The following SP4 variants were observed in gnomAD, a reference collection of about 807,000 sequenced individuals.
The protein encoded by SP4 is Sp4 transcription factor.
SP4 carries 19 observed loss-of-function variants against 72.8 expected under a neutral mutation model. That is an observed-to-expected ratio of 0.26 (90% CI 0.18 to 0.38). SP4 has a LOEUF of 0.38. Ranked by LOEUF, SP4 falls within the 10% of genes least tolerant of loss-of-function variation. The probability of loss-of-function intolerance (pLI) is 1.00; values close to 1 mark genes in which losing one functional copy is unlikely to be tolerated. For missense variants in SP4, 1,008 were observed against 926.3 expected (o/e 1.09, Z -1.14); for synonymous variants, 395 against 333.1 (o/e 1.19, Z -2.02).
At chr7:21,437,901 G>A (rs1234994261) in intron 3 of SP4, among the ~76,000 whole-genome samples, 2 of 152,060 alleles carry the variant, frequency 1.3e-5, no homozygotes, top group African/African-American at 4.8e-5. Context: ...TTCCCAGAAT[G>A]AAGAATGTGG....
At chr7:21,469,504 T>C (rs919300452) in intron 3 of SP4, among the ~76,000 whole-genome samples, 2 of 151,936 alleles carry the variant, frequency 1.3e-5, no homozygotes, top group African/African-American at 4.8e-5. Flanking sequence ...AAGGGAGAAA[T>C]CTTAGCCTAT....
chr7:21,486,271 C>T (rs1275027227), intron 5 of SP4, among the ~76,000 whole-genome samples: 3 of 151,940 alleles, frequency 2.0e-5, no homozygotes, highest in East Asian at 3.9e-4. Flanking sequence ...GCAAAGCTAG[C>T]ATAGAGTTCG....
At chr7:21,472,774 T>TA (rs138593123) in intron 3 of SP4, among the ~76,000 whole-genome samples, 22 of 144,848 alleles carry the variant, frequency 1.5e-4, no homozygotes, top group African/African-American at 2.8e-4. Context: ...CCCCATCTCT[T>TA]AAAAAAAAAG....
intron 5 of SP4, among the ~76,000 whole-genome samples, chr7:21,483,884 A>G (rs767006581): frequency 6.6e-6 from 1 of 151,800 alleles, no homozygotes; most frequent in South Asian, 2.1e-4. Flanking sequence ...ATTAATTTCA[A>G]TAAATTATTG....
At chr7:21,497,994 C>CTT (rs1781765740) in intron 5 of SP4, among the ~76,000 whole-genome samples, 1 of 152,072 alleles carries the variant, frequency 6.6e-6, no homozygotes, top group Admixed American at 6.5e-5. Context: ...TCTAAACCTC[C>CTT]TTAAGTCTTC....
Position 21,511,396 on chromosome 7 carries a change from T to G in SP4, c.*127T>G, listed in dbSNP as rs1782139051. The G allele has an allele frequency of 9.9e-7, 1 of 1,008,606 alleles. No individual in the cohort carries two copies. The highest frequency in any genetic ancestry group is 1.6e-5 in the African/African-American group (1 of 61,626). The allele number at this position is 1,008,606 out of a possible 1,614,324, so 62.5% of individuals were successfully genotyped here. A position where few individuals can be genotyped will look rare whatever the true frequency, so the allele number is the denominator to read the frequency against. The stretch of plus-strand genomic sequence containing the variant: ...TTTTCATTCTTGGCTTCTTTAAGTA[T>G]TCCAGGGTTTGGGGTCAACACGTGA... On this transcript the variant is annotated 3_prime_UTR_variant, in exon 6 of 6. Transcript: ENST00000222584.
chr7:21,442,829 G>A (rs574729715), intron 3 of SP4, among the ~76,000 whole-genome samples: 133 of 152,246 alleles, frequency 8.7e-4, no homozygotes, highest in African/African-American at 2.8e-3. Context: ...TCTGCCTTCC[G>A]GGTTCAAGTG....
Position 21,428,188 on chromosome 7 carries a change from G to GCCCCCCCCCCCC in SP4, c.-59_-58insCCCCCCCCCCCC. On this transcript the variant is annotated 5_prime_UTR_variant, in exon 1 of 6. Coordinates refer to ENST00000222584, the MANE Select transcript of SP4 (RefSeq NM_003112.5). ...CGGGACCGGCCTCTCCTCCCGCCTC[G>GCCCCCCCCCCCC]CCCCCACCCCCACCCACCTCTATCC... 6 of 371,872 alleles carry GCCCCCCCCCCCC rather than the reference G, an allele frequency of 1.6e-5. No individual in the cohort carries two copies. Among genetic ancestry groups the GCCCCCCCCCCCC allele is most frequent in the Admixed American group, 4.4e-5 (1 of 22,940 alleles). 23.0% of individuals were successfully genotyped at this position (371,872 alleles called of 1,614,324 possible).
At chr7:21,444,515 T>G (rs1783360538) in intron 3 of SP4, among the ~76,000 whole-genome samples, 1 of 152,196 alleles carries the variant, frequency 6.6e-6, no homozygotes, top group Non-Finnish European at 1.5e-5. Flanking sequence ...ACATAGTGAA[T>G]GATGGAACCA....
At chr7:21,495,728 A>G (rs1344433704) in intron 5 of SP4, among the ~76,000 whole-genome samples, 3 of 152,226 alleles carry the variant, frequency 2.0e-5, no homozygotes, top group African/African-American at 7.2e-5. Context: ...CATATGATCT[A>G]GCAAATCTAC....
intron 5 of SP4, among the ~76,000 whole-genome samples, chr7:21,490,509 C>T (rs2128413398): frequency 6.6e-6 from 1 of 152,310 alleles, no homozygotes; most frequent in Non-Finnish European, 1.5e-5. Context: ...GCCACTTCTA[C>T]TCTGAAGGTG....
chr7:21,483,603 C>T (rs1343778124), intron 5 of SP4, among the ~76,000 whole-genome samples: 1 of 151,770 alleles, frequency 6.6e-6, no homozygotes, highest in Admixed American at 6.6e-5. Context: ...TCTTAAACAG[C>T]CCATTCTGTC....
chr7:21,494,863 T>C (rs976777455), intron 5 of SP4, among the ~76,000 whole-genome samples: 5 of 152,172 alleles, frequency 3.3e-5, no homozygotes, highest in Admixed American at 1.3e-4. Context: ...CTGCATAATT[T>C]TAGGTGTTCC....
At chr7:21,445,982 ATGTGTATGTGTGTGTG>A (rs1443428449) in intron 3 of SP4, among the ~76,000 whole-genome samples, 47 of 100,928 alleles carry the variant, frequency 4.7e-4, no homozygotes, top group African/African-American at 1.7e-3. Flanking sequence ...TGTGTATCTT[ATGTGTATGTGTGTGTG>A]TGTGTGTGTG....
chr7:21,485,412 T>C (rs1784786997), intron 5 of SP4, among the ~76,000 whole-genome samples: 1 of 151,976 alleles, frequency 6.6e-6, no homozygotes, highest in African/African-American at 2.4e-5. Context: ...TTTACTGTAA[T>C]AAGGAGGCTC....
At chr7:21,470,749 GAA>G (rs11406915) in intron 3 of SP4, among the ~76,000 whole-genome samples, 110 of 105,326 alleles carry the variant, frequency 1.0e-3, no homozygotes, top group Admixed American at 1.3e-3. Context: ...TCTATATTTG[GAA>G]AAAAAAAAAA....
intron 4 of SP4, among the ~76,000 whole-genome samples, chr7:21,479,744 A>T (rs1226115180): frequency 6.6e-6 from 1 of 152,118 alleles, no homozygotes; most frequent in Non-Finnish European, 1.5e-5. Flanking sequence ...ACAATATTAC[A>T]TCTTTTGGTC....
At chr7:21,476,273 C>CAAAAAAAAAAAAAAAAAAAA (rs753166936) in intron 3 of SP4, among the ~76,000 whole-genome samples, 1 of 49,656 alleles carries the variant, frequency 2.0e-5, no homozygotes, top group Non-Finnish European at 3.7e-5. Context: ...GACTCCATCT[C>CAAAAAAAAAAAAAAAAAAAA]AAAAAAAAAA....
At chr7:21,496,547 C>G (rs1225503575) in intron 5 of SP4, among the ~76,000 whole-genome samples, 1 of 152,196 alleles carries the variant, frequency 6.6e-6, no homozygotes, top group Non-Finnish European at 1.5e-5. Context: ...TGTAGTTACT[C>G]TTGCTGCTTT....
Sources: gnomAD v4.1 joint callset for allele counts (sites outside exome capture counted in the v4.1 genomes callset) on GRCh38, gnomAD v4.1.1 for gene constraint, MANE v1.5 for transcripts, NCBI Gene and HGNC (gene_info 2026-07-23, HGNC 2026-07-21) for gene names.